CRYL1: variants seen among roughly 807,000 people sequenced by gnomAD.
CRYL1 encodes crystallin lambda 1.
CRYL1 carries 29 observed loss-of-function variants against 36.6 expected under a neutral mutation model. The ratio of observed to expected loss-of-function variants is 0.79; its 90% CI spans 0.59 to 1.08. CRYL1 has a LOEUF of 1.08. Among genes scored for constraint, CRYL1 ranks in the 50% least tolerant of loss-of-function variants. The probability of loss-of-function intolerance (pLI) is 0.00; values close to 1 mark genes in which losing one functional copy is unlikely to be tolerated. For synonymous variants in CRYL1, 152 were observed against 151.5 expected, an observed-to-expected ratio of 1.00 and a Z score of -0.02; for missense variants, 411 against 407.9, an observed-to-expected ratio of 1.01 and a Z score of -0.06.
intron 2 of CRYL1, among the ~76,000 whole-genome samples, chr13:20,505,614 G>A (rs184465962): frequency 2.0e-5 from 3 of 152,222 alleles, no homozygotes; most frequent in South Asian, 2.1e-4. Context: ...GAGACCACAC[G>A]TCACTGCATA....
intron 2 of CRYL1, among the ~76,000 whole-genome samples, chr13:20,509,108 T>C (rs1336564869): frequency 6.6e-6 from 1 of 150,876 alleles, no homozygotes; most frequent in East Asian, 2.0e-4. Flanking sequence ...ACAGGCGAAT[T>C]GCTTGAACCC....
At chr13:20,523,918 TAC>T (rs1193981446) in intron 1 of CRYL1, among the ~76,000 whole-genome samples, 1 of 152,190 alleles carries the variant, frequency 6.6e-6, no homozygotes, top group Admixed American at 6.5e-5. Flanking sequence ...ACTAAAACTT[TAC>T]TTCACATGTA....
intron 1 of CRYL1, among the ~76,000 whole-genome samples, chr13:20,513,285 C>T (rs1335155364): frequency 1.3e-5 from 2 of 152,006 alleles, no homozygotes; most frequent in Admixed American, 6.6e-5. Context: ...ACACAAGACC[C>T]GTTAGTGAAC....
chr13:20,483,450 T>A (rs9550653), intron 3 of CRYL1, among the ~76,000 whole-genome samples: 31,987 of 151,776 alleles, frequency 0.21, 3,522 homozygotes, highest in Non-Finnish European at 0.25. Context: ...ACTGACCATA[T>A]CATCAACATG....
intron 2 of CRYL1, among the ~76,000 whole-genome samples, chr13:20,493,917 C>A (rs182526584): frequency 6.6e-6 from 1 of 152,208 alleles, no homozygotes. Context: ...GACAAAGATG[C>A]AGCCGCAGAG....
chr13:20,483,028 C>T (rs1007144445), intron 3 of CRYL1, among the ~76,000 whole-genome samples: 2 of 151,952 alleles, frequency 1.3e-5, no homozygotes, highest in Admixed American at 6.6e-5. Context: ...GGTGGACACC[C>T]GCAGCCGGCA....
chr13:20,509,853 C>T (rs2033882179), intron 2 of CRYL1, among the ~76,000 whole-genome samples: 1 of 152,194 alleles, frequency 6.6e-6, no homozygotes, highest in Admixed American at 6.5e-5. Context: ...TCGCTTGAAC[C>T]TGGGAGGCAG....
At chr13:20,424,722 C>A (rs943581497) in intron 5 of CRYL1, among the ~76,000 whole-genome samples, 10 of 152,224 alleles carry the variant, frequency 6.6e-5, no homozygotes, top group Non-Finnish European at 1.0e-4. Flanking sequence ...AGAGCCCGCA[C>A]AGGCCTAGCC....
At position 20,525,790 on chromosome 13, in the gene CRYL1, G is replaced by T; in HGVS notation, c.5C>A (p.Ala2Glu). 1 of 1,270,290 alleles carries T rather than the reference G, an allele frequency of 7.9e-7. No homozygotes were observed. The highest frequency in any genetic ancestry group is 1.5e-5 in the African/African-American group (1 of 64,886). The allele number at this position is 1,270,290 out of a possible 1,614,324, so 78.7% of individuals were successfully genotyped here. The stretch of plus-strand genomic sequence containing the variant: ...CACCACGCAGCCGGCCGCGGAGGAC[G>T]CCATGGTTGGGCCGGGGACGCGGCG... M[A>E]SSAAGCVVIV... The change falls in exon 1 of 8, where the codon GCG becomes GAG. Residue 2 changes from alanine (A) to glutamate (E), a missense_variant. Coordinates refer to ENST00000298248, the MANE Select transcript of CRYL1 (RefSeq NM_015974.3). The surrounding 1 kb of genome is among the most constrained non-coding windows in gnomAD (Gnocchi z 4.3).
At chr13:20,468,887 G>A (rs145094558) in intron 3 of CRYL1, among the ~76,000 whole-genome samples, 220 of 152,230 alleles carry the variant, frequency 1.4e-3, no homozygotes, top group African/African-American at 5.1e-3. Context: ...GATTACAGGC[G>A]TGATCCACCA....
chr13:20,404,576 G>A, intron 7 of CRYL1, 59 bp downstream of exon 7: 1 of 1,118,810 alleles, frequency 8.9e-7, no homozygotes, highest in Non-Finnish European at 1.4e-6. Context: ...GTGAGGGGCA[G>A]CAAGTGCTCC....
At chr13:20,491,298 T>A (rs1315701337) in intron 2 of CRYL1, among the ~76,000 whole-genome samples, 2 of 148,476 alleles carry the variant, frequency 1.3e-5, no homozygotes, top group African/African-American at 5.0e-5. Flanking sequence ...CTTAAAAAAA[T>A]CTACTTATCT....
chr13:20,477,566 C>T (rs1249651795), intron 3 of CRYL1, among the ~76,000 whole-genome samples: 1 of 149,910 alleles, frequency 6.7e-6, no homozygotes, highest in Non-Finnish European at 1.5e-5. Context: ...GGCACAGGAC[C>T]TGGCCCATAG....
chr13:20,464,586 C>A (rs557994357), intron 3 of CRYL1, among the ~76,000 whole-genome samples: 8 of 152,216 alleles, frequency 5.3e-5, no homozygotes, highest in South Asian at 4.2e-4. Context: ...CCAGGAATTT[C>A]AATAATTAAA....
intron 3 of CRYL1, among the ~76,000 whole-genome samples, chr13:20,463,151 C>T (rs1048209221): frequency 2.0e-5 from 3 of 152,184 alleles, no homozygotes; most frequent in African/African-American, 7.2e-5. Flanking sequence ...AGGAGACCTG[C>T]GTGTCGCACC....
At chr13:20,516,462 G>A (rs999913613) in intron 1 of CRYL1, among the ~76,000 whole-genome samples, 1 of 151,776 alleles carries the variant, frequency 6.6e-6, no homozygotes, top group Non-Finnish European at 1.5e-5. Context: ...TTGTTCTCCT[G>A]GGGACTGAAT....
At chr13:20,439,832 T>G in intron 3 of CRYL1, 78 bp from the exon 4 acceptor site, 1 of 1,383,160 alleles carries the variant, frequency 7.2e-7, no homozygotes, top group Non-Finnish European at 1.0e-6. Context: ...GTTTGTTTCA[T>G]TCCTCAAATG....
At chr13:20,484,030 A>T (rs1277039421) in intron 3 of CRYL1, among the ~76,000 whole-genome samples, 1 of 152,134 alleles carries the variant, frequency 6.6e-6, no homozygotes, top group African/African-American at 2.4e-5. Context: ...GTTAGCCAGG[A>T]TGGTCTCCAT....
intron 2 of CRYL1, 89 bp from the exon 3 acceptor site, chr13:20,489,585 T>A: frequency 6.6e-7 from 1 of 1,518,514 alleles, no homozygotes; most frequent in South Asian, 1.2e-5. Context: ...ATCAGGGAAA[T>A]GCCAAGCAGA....
Sources: gnomAD v4.1 joint callset for allele counts (sites outside exome capture counted in the v4.1 genomes callset) on GRCh38, gnomAD v4.1.1 for gene constraint, Gnocchi (gnomAD v3.1) non-coding constraint, MANE v1.5 for transcripts, NCBI Gene and HGNC (gene_info 2026-07-23, HGNC 2026-07-21) for gene names.